Variants in RIN3 observed in about 807,000 individuals in gnomAD.
RIN3 encodes the protein RAB5 interacting protein 3.
A neutral mutation model predicts 76.3 loss-of-function variants in RIN3; 54 were observed. The observed-to-expected ratio is 0.71, with a 90% confidence interval of 0.57 to 0.89. The LOEUF (loss-of-function observed/expected upper bound fraction) is 0.89, where lower values mean the gene tolerates loss of function less well. Among genes scored for constraint, RIN3 ranks in the 40% least tolerant of loss-of-function variants. RIN3 has a pLI of 0.00. For synonymous variants in RIN3, 576 were observed against 564.0 expected (o/e 1.02, Z -0.30); for missense variants, 1,256 against 1,322.1 (o/e 0.95, Z 0.78).
In RIN3 at chr14:92,651,752, G is replaced by C. The variant is rs1287657302; in HGVS notation, c.703G>C (p.Val235Leu). 7 of 1,614,096 alleles carry C rather than the reference G, an allele frequency of 4.3e-6. No individual in the cohort carries two copies. Among genetic ancestry groups the C allele is most frequent in the Admixed American group, 1.7e-5 (1 of 60,014 alleles). The change falls in exon 6 of 10, where the codon GTG becomes CTG. Residue 235 changes from valine to leucine, a missense_variant. Transcript: ENST00000216487. ...LSVGNDRLWF[V>L]NPIFIEDCSS... The stretch of plus-strand genomic sequence containing the variant: ...GGTAGGAAATGACCGCCTGTGGTTT[G>C]TGAATCCTATTTTCATCGAGGACTG...
chr14:92,519,178 T>G (rs1215707255), intron 1 of RIN3, among the ~76,000 whole-genome samples: 1 of 152,108 alleles, frequency 6.6e-6, no homozygotes, highest in East Asian at 1.9e-4. Flanking sequence ...CATGGAACAG[T>G]CTAGAACATG....
intron 3 of RIN3, among the ~76,000 whole-genome samples, chr14:92,609,904 G>A (rs1340309295): frequency 6.8e-6 from 1 of 146,718 alleles, no homozygotes; most frequent in African/African-American, 2.5e-5. Flanking sequence ...TGTGTTTCTG[G>A]TTTTAATAAC....
At chr14:92,647,284 A>G (rs1282545192) in intron 5 of RIN3, among the ~76,000 whole-genome samples, 1 of 152,234 alleles carries the variant, frequency 6.6e-6, no homozygotes, top group East Asian at 1.9e-4. Context: ...TCGAAAGTGC[A>G]GGCTATATAA....
rs971204444 is a variant in RIN3 at position 92,527,992 on chromosome 14, G to T, written c.44+14016G>T. Among the ~76,000 whole-genome samples, 80 of 151,866 alleles carry T rather than the reference G, an allele frequency of 5.3e-4. 1 individual carries two copies. The highest frequency in any genetic ancestry group is 2.2e-4 in the Non-Finnish European group (15 of 67,978). On this transcript the variant is annotated intron_variant, in intron 1 of 9. Transcript: ENST00000216487. The stretch of plus-strand genomic sequence containing the variant: ...GATTGTTTCATAGTGGAGCCACGCG[G>T]GCAGGCTTGCATTTGGGCTGCTATG...
intron 1 of RIN3, among the ~76,000 whole-genome samples, chr14:92,520,938 CAT>C (rs10548261): frequency 0.066 from 10,048 of 152,186 alleles, 1,106 homozygotes; most frequent in African/African-American, 0.23. Flanking sequence ...CTACCGATGG[CAT>C]CTGGTGACAG....
At chr14:92,539,085 C>G (rs574843313) in intron 1 of RIN3, among the ~76,000 whole-genome samples, 16 of 152,196 alleles carry the variant, frequency 1.1e-4, no homozygotes, top group South Asian at 4.2e-4. Context: ...GTCTTTTGTC[C>G]TTGCTGCCTC....
Position 92,653,082 on chromosome 14 carries a change from G to C in RIN3, c.2026+7G>C, listed in dbSNP as rs1887535136. 6.3e-7 allele frequency: 1 copy of C among 1,593,768 alleles called. No homozygotes were observed. The highest frequency in any genetic ancestry group is 2.2e-5 in the East Asian group (1 of 44,520). On this transcript the variant is annotated splice_region_variant and intron_variant, in intron 6 of 9. Transcript: ENST00000216487. ...CACTCCGAGGAGGAGCTCGGTCAGT[G>C]CCCTGGGAGGAGGTGGCAGGGAGGA...
chr14:92,633,858 TG>T (rs372477073), intron 4 of RIN3, among the ~76,000 whole-genome samples: 9,440 of 58,096 alleles, frequency 0.16, 403 homozygotes, highest in Admixed American at 0.27. Context: ...GTTTTAGTGG[TG>T]TGTGTGTGTG....
rs1160134195 is a variant in RIN3 at position 92,673,010 on chromosome 14, TG to T, written c.2336-3463del. On this transcript the variant is annotated intron_variant, in intron 7 of 9. Coordinates refer to ENST00000216487, the MANE Select transcript of RIN3 (RefSeq NM_024832.5). ...CTATCAATATCACAGCAGCCAGGCA[TG>T]GTGGCTCACGTCTTTAATCCAGCGC... Among the ~76,000 whole-genome samples the T allele has an allele frequency of 4.6e-5, 7 of 152,124 alleles. No homozygotes were observed. In the East Asian group the frequency reaches 1.4e-3, roughly 29 times the overall value.
chr14:92,615,850 G>A (rs993780618), intron 4 of RIN3: 5 of 219,072 alleles, frequency 2.3e-5, no homozygotes, highest in Admixed American at 5.5e-5. Context: ...TTCATGGGAG[G>A]TAGCTTGTGA....
chr14:92,587,835 C>T lies in RIN3; in HGVS notation c.367+10358C>T, dbSNP rs1884832393. On this transcript the variant is annotated intron_variant, in intron 3 of 9. Coordinates refer to ENST00000216487, the MANE Select transcript of RIN3 (RefSeq NM_024832.5). Reference sequence around the variant, plus strand: ...AGCATGTCTTAGTCTATTTGTGCTGCTTTAACAAAATACCAAGACTGGGTA... The same window carrying T: ...AGCATGTCTTAGTCTATTTGTGCTGTTTTAACAAAATACCAAGACTGGGTA... Among the ~76,000 whole-genome samples the T allele has an allele frequency of 1.3e-5, 2 of 152,016 alleles. 1 individual carries two copies. The highest frequency in any genetic ancestry group is 3.9e-4 in the East Asian group (2 of 5,184).
At chr14:92,558,186 A>C (rs1045271692) in intron 2 of RIN3, among the ~76,000 whole-genome samples, 6 of 152,116 alleles carry the variant, frequency 3.9e-5, no homozygotes, top group African/African-American at 1.2e-4. Context: ...CCGTCTCTAC[A>C]AAAAATACAA....
At chr14:92,677,326 G>A (rs1888502555) in intron 8 of RIN3, among the ~76,000 whole-genome samples, 1 of 152,102 alleles carries the variant, frequency 6.6e-6, no homozygotes, top group South Asian at 2.1e-4. Flanking sequence ...GGGGCAGCCA[G>A]TCCAGATATC....
At chr14:92,661,760 A>ACACACACACAC (rs1419895576) in intron 7 of RIN3, among the ~76,000 whole-genome samples, 12,750 of 127,272 alleles carry the variant, frequency 0.1, 688 homozygotes, top group Non-Finnish European at 0.12. Context: ...CACACACACA[A>ACACACACACAC]AAAATAGAAT....
intron 2 of RIN3, among the ~76,000 whole-genome samples, chr14:92,575,121 T>C (rs886646872): frequency 1.3e-5 from 2 of 151,858 alleles, no homozygotes; most frequent in African/African-American, 4.8e-5. Context: ...ATTAATAATA[T>C]TAATATGGTT....
At chr14:92,540,466 A>C (rs1307444317) in intron 1 of RIN3, among the ~76,000 whole-genome samples, 1 of 152,192 alleles carries the variant, frequency 6.6e-6, no homozygotes, top group African/African-American at 2.4e-5. Flanking sequence ...GGCCTTGTAC[A>C]GTTATTTAGC....
intron 2 of RIN3, among the ~76,000 whole-genome samples, chr14:92,562,380 GCAGT>G (rs1897801893): frequency 6.6e-6 from 1 of 152,194 alleles, no homozygotes; most frequent in South Asian, 2.1e-4. Flanking sequence ...TTTTTGGAAG[GCAGT>G]CGGTGTGCTC....
chr14:92,574,180 C>A (rs1170342074), intron 2 of RIN3, among the ~76,000 whole-genome samples: 3 of 152,194 alleles, frequency 2.0e-5, no homozygotes, highest in Non-Finnish European at 4.4e-5. Flanking sequence ...CACTCTCCTG[C>A]AGAGAGAGGG....
chr14:92,592,243 A>G (rs1316886736), intron 3 of RIN3, among the ~76,000 whole-genome samples: 1 of 152,022 alleles, frequency 6.6e-6, no homozygotes, highest in Non-Finnish European at 1.5e-5. Context: ...TTCTACTAAA[A>G]ATACAAAAAA....
Sources: gnomAD v4.1 joint callset for allele counts (sites outside exome capture counted in the v4.1 genomes callset) on GRCh38, gnomAD v4.1.1 for gene constraint, MANE v1.5 for transcripts, NCBI Gene and HGNC (gene_info 2026-07-23, HGNC 2026-07-21) for gene names.